Variants in LPA observed in about 807,000 individuals in gnomAD.
LPA encodes the protein lipoprotein(a), also known as apolipoprotein(a).
In LPA, 199 loss-of-function variants were observed where a neutral mutation model predicts 197.9. That is an observed-to-expected ratio of 1.01 (90% confidence interval 0.90 to 1.13). The LOEUF is 1.13. Among genes scored for constraint, LPA ranks in the 50% most tolerant of loss-of-function variants. LPA has a pLI of 0.00. For synonymous variants in LPA, 715 were observed against 639.5 expected, an observed-to-expected ratio of 1.12 and a Z score of -1.78; for missense variants, 1,853 against 1,785.8, an observed-to-expected ratio of 1.04 and a Z score of -0.68.
At chr6:160,550,877 T>G (rs1047653243) in intron 30 of LPA, among the ~76,000 whole-genome samples, 1 of 152,226 alleles carries the variant, frequency 6.6e-6, no homozygotes, top group African/African-American at 2.4e-5. Flanking sequence ...ACATGCTCCC[T>G]TTTATTGCTG....
At chr6:160,576,588 T>C (rs1053494722) in intron 28 of LPA, among the ~76,000 whole-genome samples, 1 of 145,568 alleles carries the variant, frequency 6.9e-6, no homozygotes, top group Non-Finnish European at 1.5e-5. Context: ...ATTAAAAATA[T>C]ATAAATTTAT....
At chr6:160,650,029 G>T (rs1316048196) in intron 2 of LPA, among the ~76,000 whole-genome samples, 1 of 152,096 alleles carries the variant, frequency 6.6e-6, no homozygotes, top group African/African-American at 2.4e-5. Flanking sequence ...AATTTCAAGG[G>T]GTAAAGATCA....
chr6:160,654,020 AAT>A (rs1491364980), intron 1 of LPA, among the ~76,000 whole-genome samples: 1 of 3,760 alleles, frequency 2.7e-4, no homozygotes, highest in African/African-American at 6.5e-4. Context: ...TATTATATAT[AAT>A]ATATAATATA....
chr6:160,549,040 G>A (rs543754950), intron 30 of LPA, among the ~76,000 whole-genome samples: 2 of 152,236 alleles, frequency 1.3e-5, no homozygotes, highest in South Asian at 4.2e-4. Context: ...GGAGAAACAG[G>A]CACCTTCTTC....
chr6:160,583,066 T>A (rs545510545), intron 26 of LPA, among the ~76,000 whole-genome samples: 53 of 152,256 alleles, frequency 3.5e-4, no homozygotes, highest in African/African-American at 1.1e-3. Flanking sequence ...GTTGATATTA[T>A]CCATTTATTT....
chr6:160,650,643 A>T (rs762511411), intron 1 of LPA, 146 bp from the exon 2 acceptor site: 1 of 727,650 alleles, frequency 1.4e-6, no homozygotes, highest in Non-Finnish European at 2.4e-6. Context: ...CGTGCAAAAA[A>T]CCAAAGGAAT....
intron 34 of LPA, among the ~76,000 whole-genome samples, chr6:160,541,955 A>G (rs891278412): frequency 6.6e-6 from 1 of 151,838 alleles, no homozygotes; most frequent in Non-Finnish European, 1.5e-5. Flanking sequence ...GCATTTCACA[A>G]ACTTACAGAA....
chr6:160,594,427 A>C (rs1260468427), intron 21 of LPA, among the ~76,000 whole-genome samples: 1 of 152,214 alleles, frequency 6.6e-6, no homozygotes, highest in East Asian at 1.9e-4. Context: ...CCTGAGAATA[A>C]GGCAGGAAAC....
At chr6:160,598,720 C>G (rs1779178318) in intron 20 of LPA, among the ~76,000 whole-genome samples, 1 of 152,294 alleles carries the variant, frequency 6.6e-6, no homozygotes, top group Non-Finnish European at 1.5e-5. Context: ...GACCGTATCT[C>G]TTCAGACCAC....
rs752734941 is a variant in LPA at position 160,650,388 on chromosome 6, T to A, written c.159A>T (p.Ser53=). 2 of 1,613,958 alleles carry A rather than the reference T, an allele frequency of 1.2e-6. No individual in the cohort carries two copies. Among genetic ancestry groups the A allele is most frequent in the Admixed American group, 3.3e-5 (2 of 60,022 alleles). Residue 53 remains serine, a synonymous_variant, in exon 2 of 39, where the codon TCA becomes TCT. Transcript: ENST00000316300. ...TVTGRTCQAW[S]SMTPHQHNRT... ...TATTATGTTGATGTGGTGTCATAGA[T>A]GACCAAGCTTGGCAGGTCCTTCCTG...
chr6:160,610,379 T>C (rs1250827423), intron 16 of LPA, among the ~76,000 whole-genome samples: 1 of 152,182 alleles, frequency 6.6e-6, no homozygotes, highest in African/African-American at 2.4e-5. Context: ...ATACTAATTG[T>C]ACTTTGAAAT....
intron 28 of LPA, among the ~76,000 whole-genome samples, chr6:160,573,855 T>A (rs1778606825): frequency 6.6e-6 from 1 of 151,944 alleles, no homozygotes; most frequent in African/African-American, 2.4e-5. Flanking sequence ...TCCATAGGGG[T>A]TCCTAGCTTT....
intron 28 of LPA, among the ~76,000 whole-genome samples, chr6:160,560,472 A>T (rs1207129600): frequency 6.6e-6 from 1 of 152,088 alleles, no homozygotes; most frequent in African/African-American, 2.4e-5. Context: ...TGACTTTTTA[A>T]TGATCGCCAT....
intron 28 of LPA, among the ~76,000 whole-genome samples, chr6:160,568,473 G>C (rs1778503413): frequency 6.6e-6 from 1 of 152,148 alleles, no homozygotes; most frequent in African/African-American, 2.4e-5. Context: ...ACTATGTATT[G>C]ATGGGACATA....
At chr6:160,574,732 G>A (rs1167850608) in intron 28 of LPA, among the ~76,000 whole-genome samples, 2 of 152,212 alleles carry the variant, frequency 1.3e-5, no homozygotes, top group Non-Finnish European at 2.9e-5. Context: ...CACTTCTGCA[G>A]TTGGGGAACT....
chr6:160,584,938 C>G, intron 26 of LPA, 108 bp downstream of exon 26: 15 of 1,161,404 alleles, frequency 1.3e-5, no homozygotes, highest in Non-Finnish European at 9.0e-6. Flanking sequence ...GCTACAAACT[C>G]TGAGTCTATG....
rs147374665 is a variant in LPA, at chr6:160,558,012, T to A, written c.4632-441A>T. Among the ~76,000 whole-genome samples, 14 of 151,832 alleles carry A rather than the reference T, an allele frequency of 9.2e-5. No individual in the cohort carries two copies. In the East Asian group the frequency reaches 2.3e-3, roughly 25 times the overall value. ...TCGGCTCACTGCAAGGTCTGCCTCC[T>A]GGGTTCAAGCCATTCTCCTGCCTCA... is the stretch of plus-strand genomic sequence containing the variant. On this transcript the variant is annotated intron_variant, in intron 28 of 38. Coordinates refer to ENST00000316300, the MANE Select transcript of LPA (RefSeq NM_005577.4).
At chr6:160,553,689 T>C (rs1778202535) in intron 30 of LPA, among the ~76,000 whole-genome samples, 1 of 152,198 alleles carries the variant, frequency 6.6e-6, no homozygotes. Flanking sequence ...TCATAGAGTT[T>C]TGCTTTTAAA....
chr6:160,603,877 G>A (rs1319724863), intron 18 of LPA, among the ~76,000 whole-genome samples: 2 of 152,124 alleles, frequency 1.3e-5, no homozygotes, highest in Non-Finnish European at 2.9e-5. Context: ...CCTAAAGTAT[G>A]ACTTTTCTGG....
Sources: gnomAD v4.1 joint callset for allele counts (sites outside exome capture counted in the v4.1 genomes callset) on GRCh38, gnomAD v4.1.1 for gene constraint, MANE v1.5 for transcripts, NCBI Gene and HGNC (gene_info 2026-07-23, HGNC 2026-07-21) for gene names.